The following KRT86 variants were observed in gnomAD, a reference collection of about 807,000 sequenced individuals.
The protein encoded by KRT86 is keratin, type II cuticular Hb6.
KRT86 carries 30 observed loss-of-function variants against 41.2 expected under a neutral mutation model. That is an observed-to-expected ratio of 0.73 (90% CI 0.54 to 0.99). The LOEUF (loss-of-function observed/expected upper bound fraction) is 0.99, where lower values mean the gene tolerates loss of function less well. KRT86 is among the 50% of genes least tolerant of loss of function. KRT86 has a pLI of 0.00. For synonymous variants in KRT86, 238 were observed against 238.1 expected (o/e 1.00, Z 0.00); for missense variants, 561 against 571.4 (o/e 0.98, Z 0.19).
intron 2 of KRT86, among the ~76,000 whole-genome samples, chr12:52,292,980 C>T (rs1938167462): frequency 6.6e-6 from 1 of 152,090 alleles, no homozygotes; most frequent in Non-Finnish European, 1.5e-5. Flanking sequence ...ATGGTGAAAC[C>T]CCGTCTCTAC....
intron 2 of KRT86, among the ~76,000 whole-genome samples, chr12:52,299,146 CTA>C (rs550826121): frequency 3.7e-4 from 56 of 152,246 alleles, no homozygotes; most frequent in Non-Finnish European, 6.8e-4. Flanking sequence ...ATTCTACTCT[CTA>C]TCTGATGAGA....
At chr12:52,287,652 C>T (rs1272286209) in intron 2 of KRT86, 7 of 1,613,802 alleles carry the variant, frequency 4.3e-6, no homozygotes, top group Non-Finnish European at 5.1e-6. Context: ...CGGTTCAGCT[C>T]ATTGATCTCC....
chr12:52,291,438 G>C, intron 2 of KRT86: 1 of 1,612,638 alleles, frequency 6.2e-7, no homozygotes, highest in East Asian at 2.2e-5. Context: ...CTGAAGGCGC[G>C]CCCACCAAAT....
At chr12:52,278,217 T>A (rs909577388) in intron 2 of KRT86, among the ~76,000 whole-genome samples, 4 of 151,980 alleles carry the variant, frequency 2.6e-5, no homozygotes, top group Non-Finnish European at 5.9e-5. Context: ...GCATATTGCA[T>A]TGATCACCTC....
At chr12:52,298,537 T>C (rs555105640) in intron 2 of KRT86, among the ~76,000 whole-genome samples, 10 of 152,350 alleles carry the variant, frequency 6.6e-5, no homozygotes, top group Admixed American at 3.9e-4. Flanking sequence ...ACAACTAATA[T>C]GATTACACAC....
At chr12:52,288,344 G>A in intron 2 of KRT86, 1 of 1,613,712 alleles carries the variant, frequency 6.2e-7, no homozygotes, top group Non-Finnish European at 8.5e-7. Flanking sequence ...GTTTCTGTCT[G>A]GCCCCTGAGC....
chr12:52,282,023 G>A (rs994249387), intron 2 of KRT86, among the ~76,000 whole-genome samples: 1 of 151,956 alleles, frequency 6.6e-6, no homozygotes, highest in Non-Finnish European at 1.5e-5. Flanking sequence ...TTACAGATGT[G>A]AGCCACTGTG....
At chr12:52,288,594 C>G in intron 2 of KRT86, 3 of 1,083,874 alleles carry the variant, frequency 2.8e-6, no homozygotes, top group Non-Finnish European at 1.4e-6. Context: ...TCCCCTTCTG[C>G]CCTTCCTGGG....
chr12:52,286,437 G>T (rs758261572), intron 2 of KRT86: 4 of 1,552,988 alleles, frequency 2.6e-6, no homozygotes, highest in South Asian at 2.4e-5. Context: ...GTCACTGGCC[G>T]GGAGCCTGAC....
At chr12:52,285,071 G>T (rs767143990) in intron 2 of KRT86, among the ~76,000 whole-genome samples, 23 of 152,216 alleles carry the variant, frequency 1.5e-4, no homozygotes, top group Non-Finnish European at 2.8e-4. Context: ...TTTGTGGCAT[G>T]CACCATCTAA....
At position 52,275,942 on chromosome 12, in the gene KRT86, G is replaced by A; in HGVS notation, c.-9G>A. 1.0e-6 allele frequency: 1 copy of A among 986,042 alleles called. No homozygotes were observed. Among genetic ancestry groups the A allele is most frequent in the Non-Finnish European group, 1.2e-6 (1 of 830,008 alleles). 61.1% of individuals were successfully genotyped at this position (986,042 alleles called of 1,614,324 possible). On this transcript the variant is annotated 5_prime_UTR_variant, in exon 2 of 11. Coordinates refer to ENST00000423955, the MANE Select transcript of KRT86 (RefSeq NM_001320198.2). ...ACGGTGGAGGTGGGCAGTGCTGAGA[G>A]TCAGGTGAGAGGTGGGAGTGGGGGG...
chr12:52,293,499 G>A (rs1193095829), intron 2 of KRT86, among the ~76,000 whole-genome samples: 2 of 152,118 alleles, frequency 1.3e-5, no homozygotes, highest in Non-Finnish European at 2.9e-5. Flanking sequence ...TAGGGTGTGA[G>A]AGAGTCCATC....
Position 52,304,442 on chromosome 12 carries a change from A to G in KRT86, c.639+271A>G, listed in dbSNP as rs375813654. On this transcript the variant is annotated intron_variant, in intron 5 of 10. Coordinates refer to ENST00000423955, the MANE Select transcript of KRT86 (RefSeq NM_001320198.2). ...TGCTCTGTTCCAGAGGTTGTGGTCT[A>G]TTGCTGAGGCCCCTGGAGCCATAGC... is the stretch of plus-strand genomic sequence containing the variant. 0.68 allele frequency among the ~76,000 whole-genome samples: 94,295 copies of G among 138,552 alleles called. 31,716 individuals carry two copies. The highest frequency in any genetic ancestry group is 0.79 in the African/African-American group (27,714 of 34,878). 90.9% of individuals were successfully genotyped at this position (138,552 alleles called of 152,430 possible). A position where few individuals can be genotyped will look rare whatever the true frequency, so the allele number is the denominator to read the frequency against.
chr12:52,282,151 T>A lies in KRT86; in HGVS notation c.-5+6205T>A, dbSNP rs577911505. Among the ~76,000 whole-genome samples the A allele has an allele frequency of 2.0e-4, 30 of 152,322 alleles. No homozygotes were observed. In the South Asian group the frequency reaches 6.0e-3, roughly 30 times the overall value. On this transcript the variant is annotated intron_variant, in intron 2 of 10. Transcript: ENST00000423955. ...AGAAAAGGTATTGCTGCATGTAAAGTGCTTAAAGCATAGGAAGTTATGTAA... is the reference window on the plus strand; with the variant it reads ...AGAAAAGGTATTGCTGCATGTAAAGAGCTTAAAGCATAGGAAGTTATGTAA...
intron 2 of KRT86, chr12:52,291,663 G>T: frequency 2.7e-6 from 2 of 727,370 alleles, no homozygotes; most frequent in Non-Finnish European, 4.4e-6. Context: ...TCTCCAGAAT[G>T]TGCTTTAATG....
chr12:52,282,942 G>A (rs1186336788), intron 2 of KRT86, among the ~76,000 whole-genome samples: 1 of 152,236 alleles, frequency 6.6e-6, no homozygotes, highest in African/African-American at 2.4e-5. Flanking sequence ...GAATGTGCAT[G>A]TACCTGGATG....
intron 2 of KRT86, among the ~76,000 whole-genome samples, chr12:52,294,652 A>G (rs774463318): frequency 5.9e-5 from 9 of 152,194 alleles, no homozygotes; most frequent in Non-Finnish European, 1.0e-4. Context: ...TTAGATCTGT[A>G]GCAATACCTA....
At chr12:52,281,698 G>T (rs1015729426) in intron 2 of KRT86, among the ~76,000 whole-genome samples, 7 of 152,094 alleles carry the variant, frequency 4.6e-5, no homozygotes, top group Non-Finnish European at 8.8e-5. Context: ...CCCTCCTCTA[G>T]ATCTAAATTG....
chr12:52,281,930 G>A (rs1937781379), intron 2 of KRT86, among the ~76,000 whole-genome samples: 1 of 151,914 alleles, frequency 6.6e-6, no homozygotes, highest in Admixed American at 6.6e-5. Flanking sequence ...TTGTAGAGAT[G>A]GGGTCTCACC....
Sources: allele counts gnomAD v4.1 joint callset (sites outside exome capture counted in the v4.1 genomes callset), GRCh38; gene constraint gnomAD v4.1.1; transcripts MANE v1.5; gene names NCBI Gene and HGNC (gene_info 2026-07-23, HGNC 2026-07-21).